GTPBP1: variants seen among roughly 807,000 people sequenced by gnomAD.
GTPBP1 encodes GTP binding protein 1, also known as GTP-binding protein 1.
Under a neutral mutation model 62.0 loss-of-function variants are expected in GTPBP1, and 23 were observed. The observed-to-expected ratio is 0.37, with a 90% CI of 0.27 to 0.53. The LOEUF (loss-of-function observed/expected upper bound fraction) is 0.53. GTPBP1 is among the 20% of genes least tolerant of loss of function. The pLI is 0.89. For synonymous variants in GTPBP1, 344 were observed against 364.4 expected, an observed-to-expected ratio of 0.94 and a Z score of 0.64; for missense variants, 640 against 917.3, an observed-to-expected ratio of 0.70 and a Z score of 3.90.
At chr22:38,735,343 G>A (rs1262465831), downstream of GTPBP1, 6 of 422,298 alleles carry the variant, frequency 1.4e-5, no homozygotes, top group African/African-American at 6.2e-5. Context: ...GACAGACCTC[G>A]CACCCCGATA....
At chr22:38,742,258 TG>T, downstream of GTPBP1, 1 of 1,547,030 alleles carries the variant, frequency 6.5e-7, no homozygotes, top group Non-Finnish European at 8.8e-7. Context: ...CGCTTTCCTA[TG>T]GGTGTCACCC....
chr22:38,736,435 C>T, downstream of GTPBP1: 1 of 1,461,092 alleles, frequency 6.8e-7, no homozygotes, highest in Non-Finnish European at 9.3e-7. Flanking sequence ...GCCTCACTGA[C>T]AGAGAAGGTG....
At chr22:38,713,045 C>T (rs1393643612) in intron 2 of GTPBP1, among the ~76,000 whole-genome samples, 1 of 152,120 alleles carries the variant, frequency 6.6e-6, no homozygotes, top group Non-Finnish European at 1.5e-5. Flanking sequence ...CACTGTTGCA[C>T]AAGGCAGTAC....
At chr22:38,739,421 C>T, downstream of GTPBP1, 1 of 1,613,026 alleles carries the variant, frequency 6.2e-7, no homozygotes, top group Non-Finnish European at 8.5e-7. This position sits in a 1 kb window ranked among gnomAD's most constrained non-coding sequence, Gnocchi z 6.7. Context: ...CGATGTGGTG[C>T]ACCTGCTGCA....
chr22:38,741,406 C>T, downstream of GTPBP1: 1 of 1,361,288 alleles, frequency 7.3e-7, no homozygotes, highest in Non-Finnish European at 1.0e-6. Flanking sequence ...CCAAACAGTC[C>T]CTTTGGAAGG....
chr22:38,711,913 G>C lies in GTPBP1; in HGVS notation c.304+2957G>C, dbSNP rs1223935462. Among the ~76,000 whole-genome samples the C allele has an allele frequency of 3.3e-5, 5 of 152,072 alleles. No homozygotes were observed. The East Asian group carries it at 7.7e-4, about 23-fold the overall frequency. On this transcript the variant is annotated intron_variant, in intron 2 of 11. Transcript: ENST00000216044. ...TTATTATTTTTGAGACAGAGTTTCT[G>C]TCTGTCATCCAGGCTGGAGTGCAGT... is the stretch of plus-strand genomic sequence containing the variant.
chr22:38,736,203 G>T, downstream of GTPBP1: 1 of 1,471,714 alleles, frequency 6.8e-7, no homozygotes. Context: ...AAGCGTGTGG[G>T]GGAAGCGGCG....
In GTPBP1 at chr22:38,708,941, A is replaced by G. The variant is rs748180989; in HGVS notation, c.289A>G (p.Ile97Val). ...DEGCGETIYV[I>V]GQGSDGTEYG... The stretch of plus-strand genomic sequence containing the variant: ...GGGATGCGGAGAGACCATATATGTC[A>G]TTGGGCAGGGATCAGGTGAGCATAG... The change falls in exon 2 of 12, where the codon ATT (isoleucine) becomes GTT (valine). Residue 97 changes from isoleucine (I) to valine (V), a missense_variant. Coordinates refer to ENST00000216044, the MANE Select transcript of GTPBP1 (RefSeq NM_004286.5). 2.8e-5 allele frequency: 45 copies of G among 1,582,234 alleles called. No individual in the cohort carries two copies. The highest frequency in any genetic ancestry group is 3.8e-5 in the Non-Finnish European group (44 of 1,150,948).
chr22:38,714,750 G>T (rs753538099), intron 2 of GTPBP1, among the ~76,000 whole-genome samples: 1 of 152,132 alleles, frequency 6.6e-6, no homozygotes, highest in Non-Finnish European at 1.5e-5. Context: ...TATTTGGTGC[G>T]GGGGAAGAGA....
downstream of GTPBP1, chr22:38,740,339 C>A: frequency 1.3e-6 from 2 of 1,590,432 alleles, no homozygotes; most frequent in East Asian, 2.3e-5. The surrounding 1 kb of genome is among the most constrained non-coding windows in gnomAD (Gnocchi z 4.8). Flanking sequence ...GCTTCAGTGC[C>A]AGAGCCGCCA....
At chr22:38,737,413 T>G (rs1214529654), downstream of GTPBP1, among the ~76,000 whole-genome samples, 1 of 152,136 alleles carries the variant, frequency 6.6e-6, no homozygotes, top group East Asian at 1.9e-4. The surrounding 1 kb of genome is among the most constrained non-coding windows in gnomAD (Gnocchi z 4.1). Flanking sequence ...CCACCTATCC[T>G]GTTCTGGCTG....
At position 38,715,998 on chromosome 22, in the gene GTPBP1, CCTT is replaced by C. The variant is rs1420624522; in HGVS notation, c.399_401del (p.Leu134del). 1 of 1,614,110 alleles carries C rather than the reference CCTT, an allele frequency of 6.2e-7. No individual in the cohort carries two copies. The highest frequency in any genetic ancestry group is 1.7e-5 in the Admixed American group (1 of 60,020). On this transcript the variant is annotated inframe_deletion, in exon 3 of 12. Transcript: ENST00000216044. ...CGGAACAGATAGAGGCCGATGTCAT[CCTT>C]CTGCGGGAACGGCAAGAAGCTGGGG...
rs185842036 is a variant in GTPBP1, at chr22:38,711,167, C to A, written c.304+2211C>A. Among the ~76,000 whole-genome samples the A allele has an allele frequency of 8.5e-3, 1,300 of 152,304 alleles. 13 individuals are homozygous for A. The highest frequency in any genetic ancestry group is 0.012 in the Non-Finnish European group (809 of 68,024). The stretch of plus-strand genomic sequence containing the variant: ...GCTGCTTCACCTCTGTTTATCACAT[C>A]CTTTCTCTGTAAAATGGGAATAATG... On this transcript the variant is annotated intron_variant, in intron 2 of 11. Coordinates refer to ENST00000216044, the MANE Select transcript of GTPBP1 (RefSeq NM_004286.5).
intron 6 of GTPBP1, 61 bp downstream of exon 6, chr22:38,724,472 G>T: frequency 2.1e-6 from 2 of 945,888 alleles, no homozygotes; most frequent in Non-Finnish European, 3.5e-6. Flanking sequence ...CACAGTGAGT[G>T]ATGGGCCTGG....
chr22:38,742,152 AAAAAAAAAG>A (rs1298633461), downstream of GTPBP1: 4 of 1,090,634 alleles, frequency 3.7e-6, no homozygotes, highest in South Asian at 5.3e-5. Flanking sequence ...CAAAAAGAAA[AAAAAAAAAG>A]AAAAAAAGAG....
intron 4 of GTPBP1, 50 bp from the exon 5 acceptor site, chr22:38,721,692 A>T (rs983784648): frequency 1.9e-6 from 3 of 1,567,138 alleles, no homozygotes; most frequent in Non-Finnish European, 2.6e-6. Context: ...TCCACCCAGC[A>T]GCAATCTCTT....
Position 38,716,226 on chromosome 22 carries a change from C to T in GTPBP1, c.485+139C>T. On this transcript the variant is annotated intron_variant, in intron 3 of 11. Coordinates refer to ENST00000216044, the MANE Select transcript of GTPBP1 (RefSeq NM_004286.5). This position sits in a 1 kb window ranked among gnomAD's most constrained non-coding sequence, Gnocchi z 5.2. The stretch of plus-strand genomic sequence containing the variant: ...GTGTCCAGGTGTCTGGAGACGTGGG[C>T]TCCTTGCTCTAATTCTGCACTTCCC... The T allele has an allele frequency of 1.4e-6, 1 of 704,258 alleles. No homozygotes were observed. The highest frequency in any genetic ancestry group is 2.4e-6 in the Non-Finnish European group (1 of 413,494). The allele number at this position is 704,258 out of a possible 1,614,324, so 43.6% of individuals were successfully genotyped here. A position where few individuals can be genotyped will look rare whatever the true frequency, so the allele number is the denominator to read the frequency against.
At chr22:38,724,050 G>A (rs1319547842) in intron 5 of GTPBP1, among the ~76,000 whole-genome samples, 1 of 152,102 alleles carries the variant, frequency 6.6e-6, no homozygotes, top group Non-Finnish European at 1.5e-5. Context: ...CTAGACACAA[G>A]AGAAATCTGC....
chr22:38,735,165 C>T (rs1418421444), downstream of GTPBP1: 1 of 442,842 alleles, frequency 2.3e-6, no homozygotes, highest in East Asian at 7.0e-5. Context: ...CTCCCCCTTC[C>T]CTATCCAGGG....
Sources: gnomAD v4.1 joint callset for allele counts (sites outside exome capture counted in the v4.1 genomes callset) on GRCh38, gnomAD v4.1.1 for gene constraint, Gnocchi (gnomAD v3.1) non-coding constraint, MANE v1.5 for transcripts, NCBI Gene and HGNC (gene_info 2026-07-23, HGNC 2026-07-21) for gene names.